The following EHMT1 variants were observed in gnomAD, a reference collection of about 807,000 sequenced individuals.
The protein encoded by EHMT1 is euchromatic histone lysine methyltransferase 1.
Under a neutral mutation model 147.2 loss-of-function variants are expected in EHMT1, and 15 were observed. That is an observed-to-expected ratio of 0.10 (90% CI 0.07 to 0.16). The LOEUF is 0.16. EHMT1 is among the 10% of genes least tolerant of loss of function. The probability of loss-of-function intolerance (pLI) is 1.00; values close to 1 mark genes in which losing one functional copy is unlikely to be tolerated. For missense variants in EHMT1, 1,587 were observed against 1,772.4 expected (o/e 0.90, Z 1.88); for synonymous variants, 795 against 709.6 (o/e 1.12, Z -1.91).
chr9:137,763,185 G>GCCCAGAACA, intron 10 of EHMT1: 2 of 388,560 alleles, frequency 5.1e-6, no homozygotes, highest in Non-Finnish European at 9.2e-6. Flanking sequence ...GCCCAGAACT[G>GCCCAGAACA]TGGTTTCCTG....
At chr9:137,698,251 A>G (rs73568117) in intron 1 of EHMT1, among the ~76,000 whole-genome samples, 202 of 152,248 alleles carry the variant, frequency 1.3e-3, no homozygotes, top group African/African-American at 4.7e-3. Context: ...TGCCGTGGAA[A>G]CTCCACACTT....
Position 137,775,809 on chromosome 9 carries a change from C to T in EHMT1, c.1791+557C>T, listed in dbSNP as rs896209481. ...TCAATGTCAAACATCTGTGCTCAGC[C>T]GTGCCCAGGGCCCCCCGAGAATGGG... On this transcript the variant is annotated intron_variant, in intron 11 of 26. Coordinates refer to ENST00000460843, the MANE Select transcript of EHMT1 (RefSeq NM_024757.5). This position sits in a 1 kb window ranked among gnomAD's most constrained non-coding sequence, Gnocchi z 6.1. 2.6e-5 allele frequency among the ~76,000 whole-genome samples: 4 copies of T among 151,864 alleles called. No homozygotes were observed. The highest frequency in any genetic ancestry group is 2.0e-4 in the East Asian group (1 of 5,114).
At chr9:137,793,690 A>T (rs1952693452) in intron 16 of EHMT1, among the ~76,000 whole-genome samples, 1 of 152,242 alleles carries the variant, frequency 6.6e-6, no homozygotes, top group African/African-American at 2.4e-5. Flanking sequence ...CATCCATACG[A>T]TGGGATGTTA....
chr9:137,829,835 G>A (rs1460304778), intron 25 of EHMT1, among the ~76,000 whole-genome samples: 1 of 152,248 alleles, frequency 6.6e-6, no homozygotes, highest in Non-Finnish European at 1.5e-5. Flanking sequence ...CGGGGCTGCT[G>A]TGTCCCATAG....
chr9:137,736,119 C>T (rs550063548), intron 4 of EHMT1, among the ~76,000 whole-genome samples: 37 of 152,174 alleles, frequency 2.4e-4, no homozygotes, highest in African/African-American at 8.4e-4. Flanking sequence ...AAAAGATATT[C>T]CATGCAAACA....
Position 137,798,829 on chromosome 9 carries a change from C to A in EHMT1, c.2522C>A (p.Thr841Lys). 6.2e-7 allele frequency: 1 copy of A among 1,614,110 alleles called. No individual in the cohort carries two copies. The highest frequency in any genetic ancestry group is 8.5e-7 in the Non-Finnish European group (1 of 1,179,944). ...CTGTTGCAGGACGCAGAGGGCTCTA[C>A]GTGTTTGCACCTGGCTGCCAAGAAA... ...LVDPKDAEGS[T>K]CLHLAAKKGH... is the part of the protein sequence containing the mutation. The change falls in exon 17 of 27, where the codon ACG becomes AAG. Residue 841 changes from threonine (T) to lysine (K), a missense_variant. Around this residue, in one of 7 missense-constraint regions of EHMT1, gnomAD observed 201 missense variants for 350.1 expected, o/e 0.57. Coordinates refer to ENST00000460843, the MANE Select transcript of EHMT1 (RefSeq NM_024757.5).
intron 10 of EHMT1, among the ~76,000 whole-genome samples, chr9:137,770,525 A>G (rs957736603): frequency 2.6e-5 from 4 of 152,200 alleles, no homozygotes; most frequent in Admixed American, 2.6e-4. Context: ...TGTTGGGCCA[A>G]GTAATTCTCT....
At chr9:137,626,903 C>T (rs1352981662) in intron 1 of EHMT1, among the ~76,000 whole-genome samples, 2 of 151,692 alleles carry the variant, frequency 1.3e-5, no homozygotes, top group Non-Finnish European at 2.9e-5. Context: ...CTGCCTCAGT[C>T]CCACAGGTAG....
rs781024598 is a variant in EHMT1 at position 137,716,848 on chromosome 9, C to T, written c.308C>T (p.Ala103Val). The T allele has an allele frequency of 6.8e-5, 110 of 1,613,138 alleles. No homozygotes were observed. The South Asian group carries it at 9.0e-4, about 13-fold the overall frequency. Residue 103 changes from alanine (A) to valine (V), a missense_variant, in exon 3 of 27, where the codon GCG becomes GTG. Coordinates refer to ENST00000460843, the MANE Select transcript of EHMT1 (RefSeq NM_024757.5). ...GGGGTTTCAGAAAGAGACTCAGAAG[C>T]GGCGAAGCAAAACCACGTCACTGCC... ...ENGVSERDSE[A>V]AKQNHVTADD... is the part of the protein sequence containing the mutation.
Position 137,762,715 on chromosome 9 carries a change from C to T in EHMT1, c.1542C>T (p.Leu514=). 6.2e-7 allele frequency: 1 copy of T among 1,614,218 alleles called. No individual in the cohort carries two copies. The highest frequency in any genetic ancestry group is 8.5e-7 in the Non-Finnish European group (1 of 1,180,040). ...NGPDVLETDG[L]QEVPLCSCRM... ...CAGATGTGCTGGAGACAGACGGCCT[C>T]CAGGAAGTGCCTCTCTGCAGCTGCC... is the stretch of plus-strand genomic sequence containing the variant. The change falls in exon 10 of 27, where the codon CTC becomes CTT. Residue 514 remains leucine (L), a synonymous_variant. Coordinates refer to ENST00000460843, the MANE Select transcript of EHMT1 (RefSeq NM_024757.5).
At chr9:137,768,394 C>A (rs1409606496) in intron 10 of EHMT1, among the ~76,000 whole-genome samples, 1 of 134,808 alleles carries the variant, frequency 7.4e-6, no homozygotes, top group Non-Finnish European at 1.5e-5. Context: ...ACTCTTGTTG[C>A]CCGGGTTGGA....
chr9:137,721,010 C>A (rs1467632180), intron 3 of EHMT1, among the ~76,000 whole-genome samples: 5 of 135,816 alleles, frequency 3.7e-5, no homozygotes, highest in Non-Finnish European at 8.4e-5. Context: ...CCCCTCCTCG[C>A]CGGCGTCCTC....
At position 137,835,139 on chromosome 9, in the gene EHMT1, C is replaced by T. The variant is rs371534651; in HGVS notation, c.*186C>T. 258 of 629,136 alleles carry T rather than the reference C, an allele frequency of 4.1e-4. No homozygotes were observed. In the African/African-American group the frequency reaches 4.5e-3, roughly 11 times the overall value. The allele number at this position is 629,136 out of a possible 1,614,324, so 39.0% of individuals were successfully genotyped here. A position where few individuals can be genotyped will look rare whatever the true frequency, so the allele number is the denominator to read the frequency against. The stretch of plus-strand genomic sequence containing the variant: ...GTGTGGATGCCTCCCAGCCACCTTC[C>T]CAGACCTGCGGCCTCACCGCGGGCC... On this transcript the variant is annotated 3_prime_UTR_variant, in exon 27 of 27. Transcript: ENST00000460843.
intron 8 of EHMT1, 115 bp downstream of exon 8, chr9:137,754,406 T>C (rs1949217986): frequency 7.0e-7 from 1 of 1,424,816 alleles, no homozygotes; most frequent in South Asian, 1.3e-5. Context: ...GGCATCACTG[T>C]TTAAAAAAAA....
At chr9:137,759,128 T>TAA in intron 9 of EHMT1, among the ~76,000 whole-genome samples, 1 of 146,970 alleles carries the variant, frequency 6.8e-6, no homozygotes, top group South Asian at 2.2e-4. Flanking sequence ...CCGTCTCAAT[T>TAA]AAAAAAAAAA....
At chr9:137,658,868 TCA>T (rs1282864727) in intron 1 of EHMT1, among the ~76,000 whole-genome samples, 1 of 151,782 alleles carries the variant, frequency 6.6e-6, no homozygotes, top group African/African-American at 2.4e-5. Context: ...CAAGGGATCC[TCA>T]CACCTCAGCC....
At chr9:137,660,463 C>T (rs529807538) in intron 1 of EHMT1, among the ~76,000 whole-genome samples, 11 of 152,072 alleles carry the variant, frequency 7.2e-5, no homozygotes, top group Non-Finnish European at 1.5e-4. Context: ...GTGGGGGTTT[C>T]TGTTTTGTTT....
At chr9:137,826,607 C>T (rs1955827156) in intron 25 of EHMT1, among the ~76,000 whole-genome samples, 1 of 152,216 alleles carries the variant, frequency 6.6e-6, no homozygotes, top group African/African-American at 2.4e-5. Flanking sequence ...AGGAGGACCC[C>T]ACCGCCTGGC....
chr9:137,768,127 C>T (rs1950330378), intron 10 of EHMT1, among the ~76,000 whole-genome samples: 1 of 152,108 alleles, frequency 6.6e-6, no homozygotes, highest in African/African-American at 2.4e-5. Context: ...GCAAGTACAG[C>T]CTGTGATGTT....
Sources: gnomAD v4.1 joint callset for allele counts (sites outside exome capture counted in the v4.1 genomes callset) on GRCh38, gnomAD v4.1.1 for gene constraint, gnomAD v4.1.1 regional missense constraint, Gnocchi (gnomAD v3.1) non-coding constraint, MANE v1.5 for transcripts, NCBI Gene and HGNC (gene_info 2026-07-23, HGNC 2026-07-21) for gene names.